Variants in CD44 observed in about 807,000 individuals in gnomAD.
CD44 encodes CD44 molecule (IN blood group).
A neutral mutation model predicts 88.8 loss-of-function variants in CD44; 49 were observed. The observed-to-expected ratio is 0.55, with a 90% CI of 0.44 to 0.70. The LOEUF is 0.70. CD44 is among the 30% of genes least tolerant of loss of function. The pLI, the probability that CD44 is intolerant of heterozygous loss-of-function variation, is 0.00. For missense variants in CD44, 883 were observed against 913.8 expected, an observed-to-expected ratio of 0.97 and a Z score of 0.43; for synonymous variants, 325 against 312.3, an observed-to-expected ratio of 1.04 and a Z score of -0.43.
At position 35,224,145 on chromosome 11, in the gene CD44, T is replaced by C. The variant is rs141099398; in HGVS notation, c.2024+2413T>C. ...TTAAAAGACAAAAGTGGAAAATCAT[T>C]AGTCTCTGAAGTTGACATACAAGGA... On this transcript the variant is annotated intron_variant, in intron 17 of 17. Coordinates refer to ENST00000428726, the MANE Select transcript of CD44 (RefSeq NM_000610.4). Among the ~76,000 whole-genome samples, 546 of 152,280 alleles carry C rather than the reference T, an allele frequency of 3.6e-3. 7 individuals are homozygous for C. Among genetic ancestry groups the C allele is most frequent in the African/African-American group, 0.013 (521 of 41,542 alleles).
chr11:35,147,960 G>T (rs530860206), intron 1 of CD44, among the ~76,000 whole-genome samples: 1 of 152,086 alleles, frequency 6.6e-6, no homozygotes, highest in Non-Finnish European at 1.5e-5. Context: ...GCATGGTGGT[G>T]CATGCCTGTA....
chr11:35,191,536 TC>T (rs1230483215), intron 5 of CD44, among the ~76,000 whole-genome samples: 1 of 152,216 alleles, frequency 6.6e-6, no homozygotes, highest in Non-Finnish European at 1.5e-5. Context: ...GGGTTCCCTG[TC>T]TTTTTAAAGT....
At chr11:35,211,837 G>A (rs983616886) in intron 14 of CD44, among the ~76,000 whole-genome samples, 7 of 152,052 alleles carry the variant, frequency 4.6e-5, no homozygotes, top group Non-Finnish European at 8.8e-5. Flanking sequence ...CGTTTAATTC[G>A]ACTAATATAC....
chr11:35,213,466 C>T (rs778048575), intron 14 of CD44: 8 of 152,260 alleles, frequency 5.3e-5, no homozygotes, highest in Non-Finnish European at 8.8e-5. Flanking sequence ...GCCTGGCCAA[C>T]ATGGCGAAAC....
intron 17 of CD44, among the ~76,000 whole-genome samples, chr11:35,228,658 T>TTTTCTGATCCCCAAGGTTTCTTCAC (rs1344814332): frequency 6.6e-5 from 10 of 152,218 alleles, no homozygotes; most frequent in African/African-American, 2.4e-4. Context: ...AGTTACTGAA[T>TTTTCTGATCCCCAAGGTTTCTTCAC]TTTCTGATCC....
intron 15 of CD44, among the ~76,000 whole-genome samples, chr11:35,218,163 G>C (rs1284193060): frequency 6.6e-6 from 1 of 152,084 alleles, no homozygotes; most frequent in Non-Finnish European, 1.5e-5. Flanking sequence ...AGGATTGTCT[G>C]TCTTGCGATA....
chr11:35,207,519 C>T (rs761460322), intron 11 of CD44, among the ~76,000 whole-genome samples: 2 of 152,156 alleles, frequency 1.3e-5, no homozygotes, highest in South Asian at 2.1e-4. Flanking sequence ...TTTTAAAGAC[C>T]GCTTATACTT....
intron 1 of CD44, among the ~76,000 whole-genome samples, chr11:35,142,274 C>T (rs949537890): frequency 1.3e-5 from 2 of 151,976 alleles, no homozygotes; most frequent in African/African-American, 2.4e-5. Flanking sequence ...ACTAGAAATA[C>T]CATTTGACCC....
intron 1 of CD44, among the ~76,000 whole-genome samples, chr11:35,155,915 C>A (rs2133241861): frequency 6.6e-6 from 1 of 152,260 alleles, no homozygotes; most frequent in East Asian, 1.9e-4. Flanking sequence ...CTCATATTAA[C>A]ATCGTGGTTG....
intron 1 of CD44, among the ~76,000 whole-genome samples, chr11:35,150,794 C>G (rs572010298): frequency 6.6e-6 from 1 of 152,318 alleles, no homozygotes; most frequent in South Asian, 2.1e-4. Flanking sequence ...GAGCTTCTCC[C>G]TCTCAGTCAC....
Position 35,196,845 on chromosome 11 carries a change from A to AT in CD44, c.768dup (p.His257SerfsTer24). 1 of 1,613,742 alleles carries AT rather than the reference A, an allele frequency of 6.2e-7. No individual in the cohort carries two copies. Among genetic ancestry groups the AT allele is most frequent in the Non-Finnish European group, 8.5e-7 (1 of 1,179,746 alleles). On this transcript the variant is annotated frameshift_variant, in exon 6 of 18. Transcript: ENST00000428726. LOFTEE classifies it high-confidence loss of function. Reference sequence around the variant, plus strand: ...TTGTTTCTACCATCAGAGTCAAAGAATCATCTTCACACAACAACACAAATG... The same window carrying AT: ...TTGTTTCTACCATCAGAGTCAAAGAATTCATCTTCACACAACAACACAAATG...
At chr11:35,151,395 A>G (rs1005414508) in intron 1 of CD44, among the ~76,000 whole-genome samples, 6 of 152,242 alleles carry the variant, frequency 3.9e-5, no homozygotes, top group African/African-American at 1.4e-4. Flanking sequence ...GTTCAGAAGC[A>G]GGCCAGCTCC....
rs935470455 is a variant in CD44 at position 35,196,763 on chromosome 11, G to T, written c.685G>T (p.Ala229Ser). The change falls in exon 6 of 18, where the codon GCT becomes TCT. Residue 229 changes from alanine (A) to serine (S), a missense_variant. Around this residue, in one of 2 missense-constraint regions of CD44, gnomAD observed 252 missense variants for 322.9 expected, o/e 0.78. Transcript: ENST00000428726. ...TACAACAGCTTTGATGAGCACTAGT[G>T]CTACAGCAACTGAGACAGCAACCAA... ...IPATTLMSTSATATETATKRQ... is the reference protein window; with the variant it reads ...IPATTLMSTSSTATETATKRQ... The T allele has an allele frequency of 3.1e-6, 5 of 1,613,788 alleles. No homozygotes were observed. In the East Asian group the frequency reaches 1.1e-4, roughly 36 times the overall value.
intron 1 of CD44, among the ~76,000 whole-genome samples, chr11:35,143,203 C>A (rs1858360148): frequency 6.6e-6 from 1 of 151,940 alleles, no homozygotes; most frequent in African/African-American, 2.4e-5. Flanking sequence ...CAATGATTCT[C>A]TGTATTGTCC....
chr11:35,159,603 C>T (rs1942338787), intron 1 of CD44, among the ~76,000 whole-genome samples: 1 of 152,136 alleles, frequency 6.6e-6, no homozygotes, highest in African/African-American at 2.4e-5. Context: ...TGTTATGATC[C>T]AGACTCTCTA....
intron 3 of CD44, among the ~76,000 whole-genome samples, chr11:35,185,192 G>T (rs998510329): frequency 1.3e-5 from 2 of 152,328 alleles, no homozygotes; most frequent in Non-Finnish European, 2.9e-5. Flanking sequence ...GTGTGGGGGA[G>T]TGATGAAGCA....
At chr11:35,163,082 A>AT (rs1942835603) in intron 1 of CD44, among the ~76,000 whole-genome samples, 1 of 152,008 alleles carries the variant, frequency 6.6e-6, no homozygotes, top group Admixed American at 6.6e-5. Context: ...GCAAATAAAT[A>AT]TTTTTGCAGC....
intron 1 of CD44, among the ~76,000 whole-genome samples, chr11:35,144,666 TG>T (rs780649950): frequency 1.2e-4 from 18 of 152,190 alleles, no homozygotes; most frequent in Non-Finnish European, 1.8e-4. Context: ...TGGCCAGGCA[TG>T]GATACAGTCA....
intron 1 of CD44, among the ~76,000 whole-genome samples, chr11:35,176,032 T>C (rs1362542063): frequency 7.8e-6 from 1 of 128,756 alleles, no homozygotes; most frequent in Non-Finnish European, 1.6e-5. Context: ...ACCTGACTAA[T>C]TTTTGTATTT....
Sources: allele counts gnomAD v4.1 joint callset (sites outside exome capture counted in the v4.1 genomes callset), GRCh38; gene constraint gnomAD v4.1.1; regional missense constraint gnomAD v4.1.1; transcripts MANE v1.5; gene names NCBI Gene and HGNC (gene_info 2026-07-23, HGNC 2026-07-21).